Variants in DOCK5 observed in about 807,000 individuals in gnomAD.
DOCK5 encodes the protein dedicator of cytokinesis protein 5.
In DOCK5, 142 loss-of-function variants were observed where a neutral mutation model predicts 251.8. The ratio of observed to expected loss-of-function variants is 0.56; its 90% CI spans 0.49 to 0.65. The LOEUF is 0.65. Ranked by LOEUF, DOCK5 falls within the 30% of genes least tolerant of loss-of-function variation. The pLI, the probability that DOCK5 is intolerant of heterozygous loss-of-function variation, is 0.00. For missense variants in DOCK5, 2,111 were observed against 2,312.3 expected (o/e 0.91, Z 1.79); for synonymous variants, 842 against 835.5 (o/e 1.01, Z -0.13).
chr8:25,191,214 C>T (rs1041618847), intron 1 of DOCK5, among the ~76,000 whole-genome samples: 3 of 151,966 alleles, frequency 2.0e-5, no homozygotes, highest in Non-Finnish European at 2.9e-5. Context: ...AATGCTAAGC[C>T]GTTATTGGCC....
chr8:25,318,356 T>C (rs1419949578), intron 14 of DOCK5, among the ~76,000 whole-genome samples: 1 of 152,158 alleles, frequency 6.6e-6, no homozygotes. Flanking sequence ...CCCAAAGTGC[T>C]GGGATTACAG....
At position 25,414,924 on chromosome 8, in the gene DOCK5, A is replaced by ATTTTTTT. The variant is rs1205298349; in HGVS notation, c.*3630_*3631insTTTTTTT. Reference sequence around the variant, plus strand: ...CTGGGCCTGTCTTTTTTTTTTTTTAATTTTGAAGCTACCTGAGGTTTAGAA... The same window carrying ATTTTTTT: ...CTGGGCCTGTCTTTTTTTTTTTTTAATTTTTTTTTTTGAAGCTACCTGAGGTTTAGAA... On this transcript the variant is annotated 3_prime_UTR_variant, in exon 52 of 52. Coordinates refer to ENST00000276440, the MANE Select transcript of DOCK5 (RefSeq NM_024940.8). The ATTTTTTT allele has an allele frequency of 8.6e-4, 55 of 64,240 alleles. No individual in the cohort carries two copies. Among genetic ancestry groups the ATTTTTTT allele is most frequent in the South Asian group, 1.3e-3 (2 of 1,502 alleles). The allele number at this position is 64,240 out of a possible 1,614,324, so 4.0% of individuals were successfully genotyped here.
intron 1 of DOCK5, among the ~76,000 whole-genome samples, chr8:25,199,772 C>T (rs542763477): frequency 6.6e-6 from 1 of 152,334 alleles, no homozygotes; most frequent in East Asian, 1.9e-4. Flanking sequence ...CAATCACTGT[C>T]ATTCTCCATC....
At chr8:25,276,524 G>A (rs1384216139) in intron 4 of DOCK5, among the ~76,000 whole-genome samples, 1 of 152,058 alleles carries the variant, frequency 6.6e-6, no homozygotes, top group Non-Finnish European at 1.5e-5. Flanking sequence ...GGCTGGGGTA[G>A]GACTGGAATC....
intron 2 of DOCK5, 89 bp from the exon 3 acceptor site, chr8:25,268,756 G>T (rs1803830115): frequency 9.1e-7 from 1 of 1,093,828 alleles, no homozygotes. Flanking sequence ...TCCCAGTATT[G>T]CTAATAGAAC....
At chr8:25,339,329 A>G (rs950724015) in intron 22 of DOCK5, among the ~76,000 whole-genome samples, 5 of 152,110 alleles carry the variant, frequency 3.3e-5, no homozygotes, top group African/African-American at 1.2e-4. Context: ...GCCCCCTATC[A>G]TTAGTACTTA....
chr8:25,403,615 A>T lies in DOCK5; in HGVS notation c.4984A>T (p.Ile1662Phe), dbSNP rs1471342160. 8 of 1,613,962 alleles carry T rather than the reference A, an allele frequency of 5.0e-6. No individual in the cohort carries two copies. Among genetic ancestry groups the T allele is most frequent in the African/African-American group, 1.3e-5 (1 of 75,030 alleles). Residue 1662 changes from isoleucine (I) to phenylalanine (F), a missense_variant, in exon 48 of 52, where the codon ATC becomes TTC. Transcript: ENST00000276440. ...CACGGGGTCTATTGTGCTCCCCTAC[A>T]TCATGTCTTCCACTCTGCGGAGGTT... ...SRTGSIVLPY[I>F]MSSTLRRLSI...
At chr8:25,289,914 A>G (rs1024464633) in intron 5 of DOCK5, among the ~76,000 whole-genome samples, 1 of 152,168 alleles carries the variant, frequency 6.6e-6, no homozygotes, top group Non-Finnish European at 1.5e-5. Flanking sequence ...GTTTTATTTA[A>G]CTAACATTTC....
intron 26 of DOCK5, among the ~76,000 whole-genome samples, 178 bp downstream of exon 26, chr8:25,345,789 T>A (rs1468830124): frequency 6.6e-6 from 1 of 152,048 alleles, no homozygotes; most frequent in Non-Finnish European, 1.5e-5. Flanking sequence ...GTCAGATTAC[T>A]GCTGGGGCCT....
intron 34 of DOCK5, among the ~76,000 whole-genome samples, chr8:25,371,802 G>A (rs780282307): frequency 2.6e-5 from 4 of 152,130 alleles, no homozygotes; most frequent in South Asian, 2.1e-4. Context: ...GAAAAAATAC[G>A]GATACATAGG....
chr8:25,190,629 T>G (rs1801555475), intron 1 of DOCK5, among the ~76,000 whole-genome samples: 1 of 152,092 alleles, frequency 6.6e-6, no homozygotes, highest in South Asian at 2.1e-4. Context: ...TTAAGTATCC[T>G]TGGCTGAGGA....
At chr8:25,241,296 G>A (rs975010459) in intron 1 of DOCK5, among the ~76,000 whole-genome samples, 1 of 152,090 alleles carries the variant, frequency 6.6e-6, no homozygotes, top group Non-Finnish European at 1.5e-5. Context: ...CTAACATGGT[G>A]AAACCCCATC....
chr8:25,232,579 T>C (rs1802698309), intron 1 of DOCK5, among the ~76,000 whole-genome samples: 2 of 152,136 alleles, frequency 1.3e-5, no homozygotes, highest in South Asian at 4.1e-4. Flanking sequence ...CCTTCTGGGT[T>C]GCAGACTGCC....
At chr8:25,185,661 C>A (rs1393673346) in intron 1 of DOCK5, among the ~76,000 whole-genome samples, 2 of 152,050 alleles carry the variant, frequency 1.3e-5, no homozygotes, top group East Asian at 3.9e-4. Context: ...ATCCTGGAGA[C>A]GAGAAGAGGA....
At chr8:25,324,528 G>A (rs1332407227) in intron 17 of DOCK5, among the ~76,000 whole-genome samples, 1 of 152,188 alleles carries the variant, frequency 6.6e-6, no homozygotes, top group Non-Finnish European at 1.5e-5. Context: ...ACAGTTGGCT[G>A]CTCTTTTGAG....
At chr8:25,248,041 G>A (rs531297375) in intron 2 of DOCK5, among the ~76,000 whole-genome samples, 1 of 152,310 alleles carries the variant, frequency 6.6e-6, no homozygotes, top group East Asian at 1.9e-4. Context: ...GGCGTGAAGG[G>A]GAGGGAGGTT....
At chr8:25,342,323 G>C (rs1185649507) in intron 24 of DOCK5, 78 bp from the exon 25 acceptor site, 2 of 1,104,722 alleles carry the variant, frequency 1.8e-6, no homozygotes, top group Admixed American at 2.1e-5. Context: ...AAATCTCAGA[G>C]TGGAGGAGAA....
intron 2 of DOCK5, among the ~76,000 whole-genome samples, chr8:25,253,291 C>G (rs1228608766): frequency 1.3e-5 from 2 of 152,210 alleles, no homozygotes; most frequent in African/African-American, 4.8e-5. Flanking sequence ...GAGGCAAACT[C>G]AGTCTGAAAG....
intron 46 of DOCK5, among the ~76,000 whole-genome samples, chr8:25,400,327 C>T (rs1400196518): frequency 6.6e-6 from 1 of 151,774 alleles, no homozygotes; most frequent in Non-Finnish European, 1.5e-5. Flanking sequence ...GGTGAAACCC[C>T]ATCTCTACTA....
Sources: allele counts gnomAD v4.1 joint callset (sites outside exome capture counted in the v4.1 genomes callset), GRCh38; gene constraint gnomAD v4.1.1; transcripts MANE v1.5; gene names NCBI Gene and HGNC (gene_info 2026-07-23, HGNC 2026-07-21).